Variants in TENM1 observed in about 807,000 individuals in gnomAD.
TENM1 encodes teneurin-1.
In TENM1, 35 loss-of-function variants were observed where a neutral mutation model predicts 174.8. That is an observed-to-expected ratio of 0.20 (90% CI 0.15 to 0.27). TENM1 has a LOEUF of 0.27. Among genes scored for constraint, TENM1 ranks in the 10% least tolerant of loss-of-function variants. The pLI is 1.00. For missense variants in TENM1, 1,633 were observed against 2,130.1 expected (o/e 0.77, Z 4.59); for synonymous variants, 781 against 798.7 (o/e 0.98, Z 0.37).
chrX:125,114,853 C>T, the TENM1 span, among the ~76,000 whole-genome samples: 1 of 111,761 alleles, frequency 8.9e-6, no homozygotes, highest in African/African-American at 3.2e-5. Context: ...CTACTCCAAA[C>T]AATAGAAAAA....
chrX:124,949,605 T>C (rs1396092854), intron 1 of TENM1, among the ~76,000 whole-genome samples: 3 of 111,504 alleles, frequency 2.7e-5, no homozygotes, highest in East Asian at 2.8e-4. Flanking sequence ...GAGACTCTAA[T>C]GGAGACTCAC....
chrX:124,752,512 C>T (rs1040814985), intron 3 of TENM1, among the ~76,000 whole-genome samples: 65 of 111,667 alleles, frequency 5.8e-4, no homozygotes, highest in African/African-American at 2.0e-3. Flanking sequence ...TCCCATTTGT[C>T]AATTTTGGCT....
chrX:124,956,723 C>T (rs10126297), intron 1 of TENM1, among the ~76,000 whole-genome samples: 377 of 112,159 alleles, frequency 3.4e-3, no homozygotes, highest in African/African-American at 0.011. Flanking sequence ...CATCTAGAAG[C>T]ATAGTATGCT....
intron 3 of TENM1, among the ~76,000 whole-genome samples, chrX:124,853,267 T>C (rs752749792): frequency 9.0e-6 from 1 of 111,315 alleles, no homozygotes; most frequent in Admixed American, 9.5e-5. Context: ...AATAATGTGA[T>C]CATGGAAGGC....
the TENM1 span, among the ~76,000 whole-genome samples, chrX:125,134,952 G>T: frequency 9.0e-6 from 1 of 110,935 alleles, no homozygotes; most frequent in African/African-American, 3.3e-5. Context: ...TTTAAGAATA[G>T]GTACAAGAGA....
At chrX:124,562,853 A>G (rs1201150230) in intron 13 of TENM1, among the ~76,000 whole-genome samples, 1 of 112,535 alleles carries the variant, frequency 8.9e-6, no homozygotes, top group Non-Finnish European at 1.9e-5. Flanking sequence ...TTTCTTTGAA[A>G]GAAAATTCCA....
intron 22 of TENM1, among the ~76,000 whole-genome samples, chrX:124,454,624 C>T (rs746152571): frequency 1.8e-4 from 20 of 111,508 alleles, no homozygotes; most frequent in African/African-American, 6.2e-4. Flanking sequence ...AGGCTGGTCT[C>T]GAACTGACCT....
intron 22 of TENM1, among the ~76,000 whole-genome samples, chrX:124,471,454 ATAATACT>A (rs1163210779): frequency 2.6e-5 from 1 of 37,912 alleles, no homozygotes; most frequent in African/African-American, 1.2e-4. Flanking sequence ...AGTACTATAT[ATAATACT>A]ATATATAATA....
intron 3 of TENM1, among the ~76,000 whole-genome samples, chrX:124,885,866 AC>A: frequency 9.0e-6 from 1 of 111,565 alleles, no homozygotes; most frequent in South Asian, 3.8e-4. Flanking sequence ...ATATATGAAA[AC>A]AAATTCAACT....
intron 18 of TENM1, among the ~76,000 whole-genome samples, chrX:124,512,292 T>A (rs1569535503): frequency 9.0e-6 from 1 of 111,320 alleles, no homozygotes; most frequent in African/African-American, 3.3e-5. Flanking sequence ...TTTTTTTTTT[T>A]ACATTGTTTT....
At chrX:125,023,352 C>T in the TENM1 span, among the ~76,000 whole-genome samples, 8 of 111,348 alleles carry the variant, frequency 7.2e-5, no homozygotes, top group African/African-American at 2.3e-4. Flanking sequence ...TTATAAGTTT[C>T]GTGAGGCCTC....
rs1444246983 is a variant in TENM1, at chrX:124,603,959, C to CAA, written c.2077+37830_2077+37831dup. Among the ~76,000 whole-genome samples the CAA allele has an allele frequency of 4.1e-3, 451 of 111,262 alleles. 6 individuals are homozygous for CAA. The highest frequency in any genetic ancestry group is 0.014 in the African/African-American group (432 of 30,691). On this transcript the variant is annotated intron_variant, in intron 11 of 31. Transcript: ENST00000422452. ...TAAGCTATTTGCCCTATAGTATATG[C>CAA]AAAGGATACTTTAATAAAATCATTA...
the TENM1 span, among the ~76,000 whole-genome samples, chrX:125,097,955 G>A: frequency 3.6e-5 from 4 of 112,543 alleles, no homozygotes; most frequent in Non-Finnish European, 5.6e-5. Context: ...CTTGACTAAC[G>A]TCAAATTTTA....
At chrX:125,189,384 T>C in the TENM1 span, among the ~76,000 whole-genome samples, 1 of 112,245 alleles carries the variant, frequency 8.9e-6, no homozygotes, top group Non-Finnish European at 1.9e-5. Flanking sequence ...AAAAAGAAAT[T>C]AGAATGTTTG....
chrX:124,973,068 G>C, the TENM1 span, among the ~76,000 whole-genome samples: 1 of 112,122 alleles, frequency 8.9e-6, no homozygotes, highest in African/African-American at 3.2e-5. Context: ...GCCATCTTGA[G>C]TTAATTTTTG....
At chrX:124,907,787 T>C (rs2057773513) in intron 1 of TENM1, among the ~76,000 whole-genome samples, 1 of 112,248 alleles carries the variant, frequency 8.9e-6, no homozygotes, top group South Asian at 3.7e-4. Flanking sequence ...AACACTAACA[T>C]AGTAGTCATA....
At chrX:125,057,104 G>A in the TENM1 span, among the ~76,000 whole-genome samples, 3 of 111,721 alleles carry the variant, frequency 2.7e-5, no homozygotes, top group Admixed American at 1.9e-4. Context: ...AGCCTGAGTC[G>A]ATTATTCCTA....
intron 1 of TENM1, among the ~76,000 whole-genome samples, chrX:124,896,996 T>C (rs1409451023): frequency 1.8e-5 from 2 of 111,537 alleles, no homozygotes; most frequent in Non-Finnish European, 3.8e-5. Flanking sequence ...TGCAACGAAT[T>C]CCTTCTTTTT....
intron 1 of TENM1, among the ~76,000 whole-genome samples, chrX:124,921,747 G>A (rs1411841146): frequency 2.7e-5 from 3 of 111,037 alleles, no homozygotes; most frequent in Non-Finnish European, 5.7e-5. Context: ...TTATTTAGAC[G>A]CTTGTGCTGT....
Sources: allele counts gnomAD v4.1 joint callset (sites outside exome capture counted in the v4.1 genomes callset), GRCh38; gene constraint gnomAD v4.1.1; transcripts MANE v1.5; gene names NCBI Gene and HGNC (gene_info 2026-07-23, HGNC 2026-07-21).